EGLN1: variants seen among roughly 807,000 people sequenced by gnomAD.
EGLN1 encodes the protein egl-9 family hypoxia inducible factor 1.
A neutral mutation model predicts 38.3 loss-of-function variants in EGLN1; 17 were observed. The ratio of observed to expected loss-of-function variants is 0.44; its 90% CI spans 0.30 to 0.67. EGLN1 has a LOEUF of 0.67. Among genes scored for constraint, EGLN1 ranks in the 30% least tolerant of loss-of-function variants. The pLI is 0.08. For missense variants in EGLN1, 477 were observed against 603.3 expected (o/e 0.79, Z 2.19); for synonymous variants, 283 against 257.5 (o/e 1.10, Z -0.95).
intron 1 of EGLN1, among the ~76,000 whole-genome samples, chr1:231,412,202 C>T (rs1688970128): frequency 6.6e-6 from 1 of 152,078 alleles, no homozygotes; most frequent in South Asian, 2.1e-4. Context: ...AGTCCCTAAG[C>T]TATCAGTAAC....
intron 1 of EGLN1, among the ~76,000 whole-genome samples, chr1:231,391,061 T>TGA (rs1488459484): frequency 9.4e-6 from 1 of 106,474 alleles, no homozygotes. Flanking sequence ...CGCGTGTGTG[T>TGA]GTGAGACAGG....
chr1:231,420,300 G>A (rs1467890465), intron 1 of EGLN1: 1 of 152,306 alleles, frequency 6.6e-6, no homozygotes, highest in African/African-American at 2.4e-5. Flanking sequence ...AGCAAATAAA[G>A]GAAACTGGTG....
chr1:231,413,912 G>T (rs1053946007), intron 1 of EGLN1, among the ~76,000 whole-genome samples: 4 of 152,142 alleles, frequency 2.6e-5, no homozygotes, highest in African/African-American at 9.7e-5. Context: ...AACAGACACT[G>T]TCCAAGCTCT....
At chr1:231,419,166 A>G (rs576295460) in intron 1 of EGLN1, among the ~76,000 whole-genome samples, 29 of 152,298 alleles carry the variant, frequency 1.9e-4, no homozygotes, top group Admixed American at 1.4e-3. Flanking sequence ...TCCCTCCTTC[A>G]TCCTGTCCCT....
chr1:231,380,297 C>A (rs1346339880), intron 1 of EGLN1, among the ~76,000 whole-genome samples: 1 of 122,570 alleles, frequency 8.2e-6, no homozygotes, highest in Non-Finnish European at 1.6e-5. Context: ...GCCTGGGCGA[C>A]AGAGCGAGAC....
chr1:231,380,501 A>AGACT (rs61056885), intron 1 of EGLN1, among the ~76,000 whole-genome samples: 1 of 151,282 alleles, frequency 6.6e-6, no homozygotes, highest in Non-Finnish European at 1.5e-5. Flanking sequence ...AAGGGCATAT[A>AGACT]GTTTCCTTAA....
intron 2 of EGLN1, 119 bp from the exon 3 acceptor site, chr1:231,370,817 A>G: frequency 8.7e-7 from 1 of 1,150,548 alleles, no homozygotes; most frequent in Non-Finnish European, 1.3e-6. Flanking sequence ...ATACGTCTCA[A>G]TAAAGTATGA....
At chr1:231,376,331 T>C (rs1471649324) in intron 1 of EGLN1, among the ~76,000 whole-genome samples, 1 of 152,234 alleles carries the variant, frequency 6.6e-6, no homozygotes, top group Non-Finnish European at 1.5e-5. Flanking sequence ...ACACTGTAGA[T>C]GCTATCCACC....
chr1:231,413,746 CA>C (rs775179221), intron 1 of EGLN1, among the ~76,000 whole-genome samples: 1 of 151,954 alleles, frequency 6.6e-6, no homozygotes, highest in South Asian at 2.1e-4. Flanking sequence ...GTTGAATGAA[CA>C]AATGAGTGAA....
intron 1 of EGLN1, among the ~76,000 whole-genome samples, chr1:231,376,436 T>A (rs148633500): frequency 6.6e-6 from 1 of 152,354 alleles, no homozygotes; most frequent in East Asian, 1.9e-4. Context: ...AGCTCCAAAG[T>A]GCAAGAGTAG....
chr1:231,367,459 AAAGT>A (rs1687680141), intron 4 of EGLN1, 106 bp downstream of exon 4: 2 of 1,115,592 alleles, frequency 1.8e-6, no homozygotes, highest in South Asian at 1.3e-5. Context: ...TAAAAAACAA[AAAGT>A]AAGTATTCAT....
intron 1 of EGLN1, among the ~76,000 whole-genome samples, chr1:231,404,587 G>A (rs1688741139): frequency 6.6e-6 from 1 of 151,794 alleles, no homozygotes; most frequent in Non-Finnish European, 1.5e-5. Flanking sequence ...AGACCATCCT[G>A]GGCAACATAG....
intron 1 of EGLN1, among the ~76,000 whole-genome samples, chr1:231,402,118 A>G (rs553238099): frequency 6.6e-6 from 1 of 152,240 alleles, no homozygotes; most frequent in Admixed American, 6.5e-5. Context: ...TTCTTTTGTG[A>G]AAAAGCTGTT....
chr1:231,364,689 T>G lies in EGLN1; in HGVS notation c.*1722A>C, dbSNP rs1321347050. 6.6e-6 allele frequency: 1 copy of G among 152,152 alleles called. No homozygotes were observed. The highest frequency in any genetic ancestry group is 2.4e-5 in the African/African-American group (1 of 41,440). The allele number at this position is 152,152 out of a possible 1,614,324, so 9.4% of individuals were successfully genotyped here. Reference sequence around the variant, plus strand: ...GCTTCCCATAGAAAAGGTCTCAAATTGAATACAAACTATACAGATGCTAAA... The same window carrying G: ...GCTTCCCATAGAAAAGGTCTCAAATGGAATACAAACTATACAGATGCTAAA... On this transcript the variant is annotated 3_prime_UTR_variant, in exon 5 of 5. Transcript: ENST00000366641.
chr1:231,396,659 G>A (rs1005384436), intron 1 of EGLN1, among the ~76,000 whole-genome samples: 1 of 152,154 alleles, frequency 6.6e-6, no homozygotes, highest in Admixed American at 6.5e-5. Flanking sequence ...TTGCTCTCCA[G>A]AGCCTTAAGT....
intron 1 of EGLN1, among the ~76,000 whole-genome samples, chr1:231,414,733 C>CTT (rs71179779): frequency 0.16 from 20,815 of 129,418 alleles, 2,450 homozygotes; most frequent in African/African-American, 0.27. Flanking sequence ...AATCCCAGCA[C>CTT]TTTTTTTTTT....
In EGLN1 at chr1:231,412,011, C is replaced by CAAAA. The variant is rs747472895; in HGVS notation, c.891+8983_891+8986dup. 6.8e-4 allele frequency among the ~76,000 whole-genome samples: 23 copies of CAAAA among 33,668 alleles called. 4 individuals are homozygous for CAAAA. The highest frequency in any genetic ancestry group is 1.1e-3 in the African/African-American group (12 of 11,288). The allele number at this position is 33,668 out of a possible 152,430, so 22.1% of individuals were successfully genotyped here. On this transcript the variant is annotated intron_variant, in intron 1 of 4. Transcript: ENST00000366641. The stretch of plus-strand genomic sequence containing the variant: ...TGGGTGACAGAGTGAGACTCCATCT[C>CAAAA]AAAAAAAAAAAAAAAAAAAAAAAAA...
intron 1 of EGLN1, among the ~76,000 whole-genome samples, chr1:231,418,929 G>A (rs901206638): frequency 1.3e-5 from 2 of 151,868 alleles, no homozygotes; most frequent in Non-Finnish European, 2.9e-5. Context: ...AACACACTGT[G>A]GTTGGTTGCT....
At chr1:231,385,296 A>T (rs1248713836) in intron 1 of EGLN1, among the ~76,000 whole-genome samples, 1 of 152,236 alleles carries the variant, frequency 6.6e-6, no homozygotes, top group Admixed American at 6.5e-5. Flanking sequence ...TGTGTAAGGC[A>T]TAGTGCTAGG....
Sources: gnomAD v4.1 joint callset for allele counts (sites outside exome capture counted in the v4.1 genomes callset) on GRCh38, gnomAD v4.1.1 for gene constraint, MANE v1.5 for transcripts, NCBI Gene and HGNC (gene_info 2026-07-23, HGNC 2026-07-21) for gene names.